TOM1L2: variants seen among roughly 807,000 people sequenced by gnomAD.
The protein encoded by TOM1L2 is TOM1-like protein 2.
Under a neutral mutation model 67.9 loss-of-function variants are expected in TOM1L2, and 31 were observed. The ratio of observed to expected loss-of-function variants is 0.46; its 90% CI spans 0.34 to 0.62. The LOEUF is 0.62. Ranked by LOEUF, TOM1L2 falls within the 20% of genes least tolerant of loss-of-function variation. TOM1L2 has a pLI of 0.01. For synonymous variants in TOM1L2, 256 were observed against 254.0 expected (o/e 1.01, Z -0.07); for missense variants, 606 against 663.5 (o/e 0.91, Z 0.95).
At chr17:17,878,837 C>A (rs1473438875) in intron 7 of TOM1L2, among the ~76,000 whole-genome samples, 1 of 152,216 alleles carries the variant, frequency 6.6e-6, no homozygotes, top group Non-Finnish European at 1.5e-5. Context: ...AAGGGCAGTA[C>A]CACTGACATT....
chr17:17,936,496 A>G (rs886189467), intron 1 of TOM1L2, among the ~76,000 whole-genome samples: 1 of 152,178 alleles, frequency 6.6e-6, no homozygotes, highest in Non-Finnish European at 1.5e-5. Context: ...GGAATTTATT[A>G]TATGTAAATA....
At chr17:17,928,351 C>T (rs1226500145) in intron 1 of TOM1L2, among the ~76,000 whole-genome samples, 10 of 152,212 alleles carry the variant, frequency 6.6e-5, no homozygotes, top group Non-Finnish European at 1.3e-4. Flanking sequence ...AAAAACGCTA[C>T]GTGGCTTTTT....
chr17:17,882,205 A>G (rs2037760017), intron 6 of TOM1L2, among the ~76,000 whole-genome samples: 1 of 152,146 alleles, frequency 6.6e-6, no homozygotes, highest in Admixed American at 6.5e-5. Flanking sequence ...TTTATGGGAT[A>G]GATCTAAGCC....
chr17:17,922,258 G>A (rs565229128), intron 1 of TOM1L2, among the ~76,000 whole-genome samples: 1 of 152,306 alleles, frequency 6.6e-6, no homozygotes, highest in East Asian at 1.9e-4. Flanking sequence ...TTTGAAGAGA[G>A]AGGAACATCA....
In TOM1L2 at chr17:17,898,613, CCT is replaced by C; in HGVS notation, c.197_198del (p.Glu66GlyfsTer60). On this transcript the variant is annotated frameshift_variant, in exon 3 of 15. Coordinates refer to ENST00000379504, the MANE Select transcript of TOM1L2 (RefSeq NM_001082968.2). LOFTEE classifies it high-confidence loss of function. Reference sequence around the variant, plus strand: ...GCACTCACTGTTAATGCCAGCATCACCTCTCTGTAGTTCCGGTTCCCGTTGAG... The same window carrying C: ...GCACTCACTGTTAATGCCAGCATCACCTCTGTAGTTCCGGTTCCCGTTGAG... ...KRLNGNRNYR[E>X]VMLALTVLET... The C allele has an allele frequency of 6.2e-7, 1 of 1,614,244 alleles. No homozygotes were observed. The highest frequency in any genetic ancestry group is 1.1e-5 in the South Asian group (1 of 91,084).
intron 1 of TOM1L2, among the ~76,000 whole-genome samples, chr17:17,917,684 C>CAGGCATGGT (rs57451875): frequency 0.55 from 83,382 of 151,162 alleles, 25,382 homozygotes; most frequent in East Asian, 0.94. Flanking sequence ...CTTCCCAGGC[C>CAGGCATGGT]AGCTCATGCC....
intron 1 of TOM1L2, among the ~76,000 whole-genome samples, chr17:17,961,056 G>T (rs1344024244): frequency 6.6e-6 from 1 of 152,148 alleles, no homozygotes. Context: ...TTAATATTCA[G>T]AATATATAGA....
At chr17:17,964,753 CA>C (rs1333216536) in intron 1 of TOM1L2, among the ~76,000 whole-genome samples, 1 of 151,280 alleles carries the variant, frequency 6.6e-6, no homozygotes, top group African/African-American at 2.4e-5. Context: ...GACCCTGTCT[CA>C]AAAAAAATAA....
At chr17:17,875,017 G>A (rs1410917860) in intron 7 of TOM1L2, among the ~76,000 whole-genome samples, 1 of 152,172 alleles carries the variant, frequency 6.6e-6, no homozygotes, top group East Asian at 1.9e-4. Flanking sequence ...AGCACTTTGA[G>A]AGGCCGAGGT....
intron 1 of TOM1L2, among the ~76,000 whole-genome samples, chr17:17,912,905 T>G (rs911936371): frequency 6.6e-6 from 1 of 152,164 alleles, no homozygotes; most frequent in African/African-American, 2.4e-5. Context: ...CACTGAGCAC[T>G]GAGTGAACGA....
At chr17:17,964,007 CAG>C (rs1293837850) in intron 1 of TOM1L2, among the ~76,000 whole-genome samples, 2 of 152,156 alleles carry the variant, frequency 1.3e-5, no homozygotes, top group Non-Finnish European at 2.9e-5. Context: ...ACTGTGAGCT[CAG>C]AGAAGAGATT....
chr17:17,855,179 G>A (rs2036195442), intron 12 of TOM1L2, among the ~76,000 whole-genome samples: 1 of 152,224 alleles, frequency 6.6e-6, no homozygotes, highest in African/African-American at 2.4e-5. Context: ...ACTTGGAACT[G>A]CAGGCAGGGG....
chr17:17,866,982 T>C, intron 8 of TOM1L2, 58 bp from the exon 9 acceptor site: 2 of 1,542,124 alleles, frequency 1.3e-6, no homozygotes, highest in Admixed American at 1.7e-5. Context: ...TATGGCCCTG[T>C]GGGGTGCTCA....
At chr17:17,969,057 CTTT>C (rs563818412) in intron 1 of TOM1L2, among the ~76,000 whole-genome samples, 11 of 140,672 alleles carry the variant, frequency 7.8e-5, no homozygotes, top group African/African-American at 7.9e-5. Context: ...ACCAGCTCTC[CTTT>C]TTTTTTTTTT....
At chr17:17,937,343 A>G (rs2040550382) in intron 1 of TOM1L2, among the ~76,000 whole-genome samples, 1 of 152,212 alleles carries the variant, frequency 6.6e-6, no homozygotes, top group Non-Finnish European at 1.5e-5. Context: ...TCAACCAATA[A>G]GGAAATGGTA....
Position 17,904,091 on chromosome 17 carries a change from C to G in TOM1L2, c.137+3356G>C, listed in dbSNP as rs138683843. 5.8e-3 allele frequency among the ~76,000 whole-genome samples: 887 copies of G among 152,268 alleles called. 10 individuals carry two copies. Among genetic ancestry groups the G allele is most frequent in the Middle Eastern group, 0.02 (6 of 294 alleles). On this transcript the variant is annotated intron_variant, in intron 2 of 14. Transcript: ENST00000379504. ...CAAGCAATCCTCCTGCCTCAGCCTT[C>G]TGAATAGGTGGGACTACAGGCATGA... is the stretch of plus-strand genomic sequence containing the variant.
chr17:17,901,136 C>T lies in TOM1L2; in HGVS notation c.138-2462G>A, dbSNP rs2038833367. Among the ~76,000 whole-genome samples, 2 of 152,154 alleles carry T rather than the reference C, an allele frequency of 1.3e-5. 1 individual carries two copies. The highest frequency in any genetic ancestry group is 2.9e-5 in the Non-Finnish European group (2 of 68,036). ...ATCCATAGGCTCTGGGAAGTACTGG[C>T]CGAGAGTGATGGGTGAGCACAAAAG... On this transcript the variant is annotated intron_variant, in intron 2 of 14. Coordinates refer to ENST00000379504, the MANE Select transcript of TOM1L2 (RefSeq NM_001082968.2).
chr17:17,915,483 C>T (rs2039587493), intron 1 of TOM1L2, among the ~76,000 whole-genome samples: 1 of 152,050 alleles, frequency 6.6e-6, no homozygotes, highest in African/African-American at 2.4e-5. Context: ...TCTTTGGAGA[C>T]ATATCTATTC....
intron 7 of TOM1L2, among the ~76,000 whole-genome samples, chr17:17,871,430 G>A (rs900325521): frequency 5.3e-5 from 8 of 152,290 alleles, no homozygotes; most frequent in African/African-American, 1.9e-4. Flanking sequence ...AGCACTTTGG[G>A]AGGCCGAGGC....
Sources: gnomAD v4.1 joint callset for allele counts (sites outside exome capture counted in the v4.1 genomes callset) on GRCh38, gnomAD v4.1.1 for gene constraint, MANE v1.5 for transcripts, NCBI Gene and HGNC (gene_info 2026-07-23, HGNC 2026-07-21) for gene names.